Variants in PLCH1 observed in about 807,000 individuals in gnomAD.
PLCH1 encodes phospholipase C eta 1, also known as 1-phosphatidylinositol 4,5-bisphosphate phosphodiesterase eta-1.
PLCH1 carries 60 observed loss-of-function variants against 126.7 expected under a neutral mutation model. The observed-to-expected ratio is 0.47, with a 90% CI of 0.38 to 0.59. The LOEUF (loss-of-function observed/expected upper bound fraction) is 0.59. Among genes scored for constraint, PLCH1 ranks in the 20% least tolerant of loss-of-function variants. The pLI is 0.00. For missense variants in PLCH1, 1,723 were observed against 2,040.0 expected (o/e 0.84, Z 2.99); for synonymous variants, 719 against 734.9 (o/e 0.98, Z 0.35).
At chr3:155,462,749 A>G (rs1712776285) in intron 21 of PLCH1, among the ~76,000 whole-genome samples, 1 of 152,170 alleles carries the variant, frequency 6.6e-6, no homozygotes, top group Non-Finnish European at 1.5e-5. Context: ...ACAGTGGTTA[A>G]GTCCCAGCTA....
chr3:155,676,932 T>C (rs1226932996), intron 2 of PLCH1, among the ~76,000 whole-genome samples: 2 of 152,186 alleles, frequency 1.3e-5, no homozygotes, highest in Non-Finnish European at 2.9e-5. Flanking sequence ...AACCACACAT[T>C]ATTATAGTGC....
At position 155,594,202 on chromosome 3, in the gene PLCH1, T is replaced by TAC; in HGVS notation, c.227-20_227-19dup. The TAC allele has an allele frequency of 6.2e-7, 1 of 1,608,920 alleles. No homozygotes were observed. The highest frequency in any genetic ancestry group is 1.3e-5 in the African/African-American group (1 of 74,920). ...AATAAGTACTGTGAGGAAAATGAGATACACACAGTTATACAGCAGGCAAAG... is the reference window on the plus strand; with the variant it reads ...AATAAGTACTGTGAGGAAAATGAGATACACACACAGTTATACAGCAGGCAAAG... On this transcript the variant is annotated intron_variant, in intron 3 of 22. Transcript: ENST00000460012.
chr3:155,689,021 C>T (rs1745172688), intron 2 of PLCH1, among the ~76,000 whole-genome samples: 1 of 152,218 alleles, frequency 6.6e-6, no homozygotes, highest in Non-Finnish European at 1.5e-5. Context: ...CAGTGCCATG[C>T]TGGCTTCAGG....
At chr3:155,504,055 T>C (rs990065044) in intron 13 of PLCH1, among the ~76,000 whole-genome samples, 3 of 152,352 alleles carry the variant, frequency 2.0e-5, no homozygotes, top group African/African-American at 7.2e-5. Context: ...TGGAATCACA[T>C]AGTCATTTTA....
intron 12 of PLCH1, among the ~76,000 whole-genome samples, chr3:155,506,654 C>T (rs1205215319): frequency 6.8e-6 from 1 of 147,024 alleles, no homozygotes; most frequent in East Asian, 2.1e-4. Flanking sequence ...TTTCCAATTT[C>T]ATCCATGTCC....
intron 2 of PLCH1, among the ~76,000 whole-genome samples, chr3:155,655,443 G>A (rs1322100752): frequency 7.6e-6 from 1 of 132,328 alleles, no homozygotes; most frequent in Non-Finnish European, 1.6e-5. Flanking sequence ...AAAAAAAAAA[G>A]AAGAAGAAGA....
At chr3:155,469,343 C>T (rs1576766227) in intron 21 of PLCH1, among the ~76,000 whole-genome samples, 2 of 152,208 alleles carry the variant, frequency 1.3e-5, no homozygotes, top group East Asian at 1.9e-4. Flanking sequence ...AGGTCACTCC[C>T]ACCCGAATAC....
intron 2 of PLCH1, among the ~76,000 whole-genome samples, chr3:155,629,908 T>C (rs1484665690): frequency 6.6e-6 from 1 of 152,262 alleles, no homozygotes; most frequent in Admixed American, 6.5e-5. Flanking sequence ...GCTATGTGTA[T>C]GCCTTACTCC....
chr3:155,644,658 G>T (rs1210876532), intron 2 of PLCH1, among the ~76,000 whole-genome samples: 1 of 152,064 alleles, frequency 6.6e-6, no homozygotes, highest in Non-Finnish European at 1.5e-5. Context: ...CAAAAAGCAT[G>T]CAGTTAAAGA....
rs557424104 is a variant in PLCH1 at position 155,494,006 on chromosome 3, A to G, written c.2182+135T>C. 3.0e-4 allele frequency: 195 copies of G among 651,160 alleles called. 4 individuals are homozygous for G. In the South Asian group the frequency reaches 3.6e-3, roughly 12 times the overall value. 40.3% of individuals were successfully genotyped at this position (651,160 alleles called of 1,614,324 possible). A position where few individuals can be genotyped will look rare whatever the true frequency, so the allele number is the denominator to read the frequency against. ...AATTCACATTCAAACACCTTAACCT[A>G]TCTTTTTGAAAAAAAAAAGTTGAAA... On this transcript the variant is annotated intron_variant, in intron 17 of 22. Coordinates refer to ENST00000460012, the MANE Select transcript of PLCH1 (RefSeq NM_014996.4).
intron 6 of PLCH1, among the ~76,000 whole-genome samples, chr3:155,573,849 C>A (rs1359618618): frequency 1.3e-5 from 2 of 152,158 alleles, no homozygotes; most frequent in African/African-American, 4.8e-5. Flanking sequence ...TAGCCATCTT[C>A]ATAATCCCCA....
At chr3:155,606,468 TC>T (rs1314566890) in intron 2 of PLCH1, among the ~76,000 whole-genome samples, 5 of 152,250 alleles carry the variant, frequency 3.3e-5, no homozygotes, top group African/African-American at 1.2e-4. Flanking sequence ...GAGGAAACTT[TC>T]AGCCTTGGTG....
At chr3:155,515,103 C>T (rs183683720) in intron 11 of PLCH1, among the ~76,000 whole-genome samples, 1 of 152,326 alleles carries the variant, frequency 6.6e-6, no homozygotes, top group East Asian at 1.9e-4. Flanking sequence ...CTGCCAGCTA[C>T]TCTTCATGTG....
chr3:155,531,131 T>C (rs553327501), intron 10 of PLCH1, among the ~76,000 whole-genome samples: 12 of 152,268 alleles, frequency 7.9e-5, no homozygotes, highest in African/African-American at 2.9e-4. Context: ...GCAGGCAGAG[T>C]AGATTTAGCA....
chr3:155,540,770 C>T (rs1043943945), intron 10 of PLCH1, among the ~76,000 whole-genome samples: 2 of 152,002 alleles, frequency 1.3e-5, no homozygotes, highest in Non-Finnish European at 2.9e-5. Flanking sequence ...GTGGTGAAAA[C>T]AGAACACTTT....
intron 21 of PLCH1, among the ~76,000 whole-genome samples, chr3:155,469,824 C>G (rs990516188): frequency 1.3e-5 from 2 of 152,208 alleles, no homozygotes; most frequent in Middle Eastern, 3.4e-3. Context: ...ACACTGACAC[C>G]TCACACGGCA....
intron 10 of PLCH1, among the ~76,000 whole-genome samples, chr3:155,526,439 CTCTT>C (rs1335674909): frequency 4.6e-5 from 7 of 150,970 alleles, no homozygotes; most frequent in Non-Finnish European, 8.8e-5. Flanking sequence ...CTCTCTCTCT[CTCTT>C]TTTCTCTCTC....
At chr3:155,674,416 A>C (rs893574380) in intron 2 of PLCH1, among the ~76,000 whole-genome samples, 1 of 152,228 alleles carries the variant, frequency 6.6e-6, no homozygotes, top group Non-Finnish European at 1.5e-5. Flanking sequence ...CTCAGATTTC[A>C]TGATATTTCA....
intron 2 of PLCH1, among the ~76,000 whole-genome samples, chr3:155,659,902 G>C (rs1318722484): frequency 2.6e-5 from 4 of 152,078 alleles, no homozygotes; most frequent in Admixed American, 1.3e-4. Context: ...CAAAAGCATT[G>C]GGATTACAAG....
Sources: gnomAD v4.1 joint callset for allele counts (sites outside exome capture counted in the v4.1 genomes callset) on GRCh38, gnomAD v4.1.1 for gene constraint, MANE v1.5 for transcripts, NCBI Gene and HGNC (gene_info 2026-07-23, HGNC 2026-07-21) for gene names.